Variants in GULP1 observed in about 807,000 individuals in gnomAD.
GULP1 encodes PTB domain-containing engulfment adapter protein 1.
Under a neutral mutation model 40.9 loss-of-function variants are expected in GULP1, and 19 were observed. The observed-to-expected ratio is 0.46, with a 90% confidence interval of 0.32 to 0.68. The LOEUF is 0.68. Among genes scored for constraint, GULP1 ranks in the 30% least tolerant of loss-of-function variants. The probability of loss-of-function intolerance (pLI) is 0.03; values close to 1 mark genes in which losing one functional copy is unlikely to be tolerated. For missense variants in GULP1, 312 were observed against 362.2 expected (o/e 0.86, Z 1.12); for synonymous variants, 119 against 117.6 (o/e 1.01, Z -0.08).
At position 188,524,592 on chromosome 2, in the gene GULP1, T is replaced by TTA. The variant is rs1162848295; in HGVS notation, c.162+1777_162+1778dup. On this transcript the variant is annotated intron_variant, in intron 5 of 11. Transcript: ENST00000409830. ...ATAAAACAATGCTTTTTATCTATTT[T>TTA]TATATATATATATTTTTTTTTTGCT... Among the ~76,000 whole-genome samples, 27 of 145,228 alleles carry TTA rather than the reference T, an allele frequency of 1.9e-4. 1 individual carries two copies. Among genetic ancestry groups the TTA allele is most frequent in the East Asian group, 1.4e-3 (7 of 5,084 alleles).
intron 5 of GULP1, among the ~76,000 whole-genome samples, chr2:188,524,355 A>G (rs1685590604): frequency 6.6e-6 from 1 of 152,102 alleles, no homozygotes; most frequent in Non-Finnish European, 1.5e-5. Context: ...TTAGAAATGT[A>G]CTCTGTTAAT....
At chr2:188,370,233 T>C (rs1389805931) in intron 1 of GULP1, among the ~76,000 whole-genome samples, 2 of 152,106 alleles carry the variant, frequency 1.3e-5, no homozygotes, top group East Asian at 3.9e-4. Flanking sequence ...CATTCACAGA[T>C]GAGATTTATA....
At chr2:188,473,644 G>A (rs2060774959) in intron 2 of GULP1, among the ~76,000 whole-genome samples, 1 of 152,136 alleles carries the variant, frequency 6.6e-6, no homozygotes, top group African/African-American at 2.4e-5. Context: ...GCTGAATCTT[G>A]CCAGTCCTGA....
chr2:188,557,357 A>G (rs1230811476), intron 7 of GULP1, among the ~76,000 whole-genome samples: 1 of 152,244 alleles, frequency 6.6e-6, no homozygotes, highest in African/African-American at 2.4e-5. Flanking sequence ...CAATGGGAGT[A>G]CAAGTACTGG....
chr2:188,440,859 A>G (rs1225524491), intron 2 of GULP1, among the ~76,000 whole-genome samples: 1 of 152,202 alleles, frequency 6.6e-6, no homozygotes, highest in Non-Finnish European at 1.5e-5. Flanking sequence ...ATATTGGGAA[A>G]TTTTATTTCT....
intron 1 of GULP1, among the ~76,000 whole-genome samples, chr2:188,376,057 A>C (rs2152468378): frequency 6.6e-6 from 1 of 152,210 alleles, no homozygotes; most frequent in Middle Eastern, 3.4e-3. Context: ...TCAGATGCAA[A>C]CCCTGTGGGT....
intron 9 of GULP1, among the ~76,000 whole-genome samples, chr2:188,576,876 G>C (rs976377064): frequency 1.6e-4 from 24 of 152,006 alleles, no homozygotes; most frequent in Non-Finnish European, 2.9e-4. Context: ...AATTTTCTGG[G>C]AACAATCTGA....
chr2:188,510,874 C>G (rs1254424522), intron 4 of GULP1, among the ~76,000 whole-genome samples: 2 of 150,932 alleles, frequency 1.3e-5, no homozygotes, highest in Non-Finnish European at 2.9e-5. Context: ...GCTTCAAGAA[C>G]CAAAACCCAA....
intron 4 of GULP1, among the ~76,000 whole-genome samples, chr2:188,516,600 T>G (rs1481196034): frequency 6.6e-6 from 1 of 152,176 alleles, no homozygotes; most frequent in African/African-American, 2.4e-5. Flanking sequence ...CTATTTGGTT[T>G]AATGTTGGCT....
chr2:188,578,652 A>C (rs1336811552), intron 9 of GULP1, among the ~76,000 whole-genome samples: 1 of 152,138 alleles, frequency 6.6e-6, no homozygotes, highest in African/African-American at 2.4e-5. Context: ...TTACCATATA[A>C]TTTTTGAGCA....
At chr2:188,394,340 G>A (rs1420726182) in intron 2 of GULP1, among the ~76,000 whole-genome samples, 1 of 151,746 alleles carries the variant, frequency 6.6e-6, no homozygotes, top group Non-Finnish European at 1.5e-5. Flanking sequence ...TCTGCATTTT[G>A]TACTTCCCTA....
chr2:188,471,304 G>A (rs1009374585), intron 2 of GULP1, among the ~76,000 whole-genome samples: 8 of 143,606 alleles, frequency 5.6e-5, no homozygotes, highest in African/African-American at 1.0e-4. Flanking sequence ...CCGCCCACCC[G>A]CCCCACCTTG....
chr2:188,517,885 C>T (rs758233141), intron 4 of GULP1, among the ~76,000 whole-genome samples: 1 of 152,052 alleles, frequency 6.6e-6, no homozygotes, highest in Non-Finnish European at 1.5e-5. Flanking sequence ...TGCTCCCAGC[C>T]ATGCTTACTA....
At chr2:188,471,976 T>G (rs2060627367) in intron 2 of GULP1, among the ~76,000 whole-genome samples, 2 of 152,204 alleles carry the variant, frequency 1.3e-5, no homozygotes, top group Admixed American at 1.3e-4. Context: ...ATAACTCAGC[T>G]ATTGTTTGTC....
chr2:188,393,551 A>G (rs1244350585), intron 2 of GULP1, among the ~76,000 whole-genome samples: 2 of 152,066 alleles, frequency 1.3e-5, no homozygotes, highest in Non-Finnish European at 2.9e-5. Flanking sequence ...TTTTAAGTGG[A>G]ACATTAAGGC....
At chr2:188,424,420 T>C (rs2055872669) in intron 2 of GULP1, among the ~76,000 whole-genome samples, 1 of 151,930 alleles carries the variant, frequency 6.6e-6, no homozygotes, top group South Asian at 2.1e-4. Context: ...GCATGATCAT[T>C]CTGTTCATGT....
intron 2 of GULP1, among the ~76,000 whole-genome samples, chr2:188,424,669 T>A (rs2055916887): frequency 6.6e-6 from 1 of 151,998 alleles, no homozygotes; most frequent in African/African-American, 2.4e-5. Context: ...ATTTACTTGT[T>A]TGTAAATATA....
chr2:188,312,187 T>A (rs895170888), intron 1 of GULP1, among the ~76,000 whole-genome samples: 2 of 152,088 alleles, frequency 1.3e-5, no homozygotes, highest in Non-Finnish European at 2.9e-5. Flanking sequence ...CTATTTTTTT[T>A]AATTTCTCCT....
chr2:188,528,246 T>G (rs2153232760), intron 5 of GULP1, among the ~76,000 whole-genome samples: 1 of 152,214 alleles, frequency 6.6e-6, no homozygotes, highest in East Asian at 1.9e-4. Flanking sequence ...AAATACTATA[T>G]ATATGTTGTG....
Sources: gnomAD v4.1 joint callset for allele counts (sites outside exome capture counted in the v4.1 genomes callset) on GRCh38, gnomAD v4.1.1 for gene constraint, MANE v1.5 for transcripts, NCBI Gene and HGNC (gene_info 2026-07-23, HGNC 2026-07-21) for gene names.